ENO4: variants seen among roughly 807,000 people sequenced by gnomAD.
ENO4 encodes the protein 2-phospho-D-glycerate hydro-lyase.
Under a neutral mutation model 63.2 loss-of-function variants are expected in ENO4, and 53 were observed. The observed-to-expected ratio is 0.84, with a 90% CI of 0.67 to 1.05. ENO4 has a LOEUF of 1.05. ENO4 is among the 50% of genes least tolerant of loss of function. ENO4 has a pLI of 0.00. For synonymous variants in ENO4, 266 were observed against 283.8 expected, an observed-to-expected ratio of 0.94 and a Z score of 0.63; for missense variants, 719 against 772.0, an observed-to-expected ratio of 0.93 and a Z score of 0.81.
intron 10 of ENO4, among the ~76,000 whole-genome samples, chr10:116,891,206 T>C (rs762604022): frequency 3.3e-5 from 5 of 152,244 alleles, no homozygotes; most frequent in Non-Finnish European, 5.9e-5. Context: ...GTGAGAGTTA[T>C]TTTATAAAAT....
chr10:116,868,477 T>C (rs1846602539), intron 7 of ENO4, 173 bp from the exon 8 acceptor site: 2 of 710,932 alleles, frequency 2.8e-6, no homozygotes, highest in Admixed American at 2.0e-5. Flanking sequence ...GCATATAAAG[T>C]AGGGAGTGGC....
chr10:116,883,238 C>T (rs1248526027), downstream of ENO4: 1 of 152,124 alleles, frequency 6.6e-6, no homozygotes, highest in African/African-American at 2.4e-5. Flanking sequence ...GTGCTAGGCA[C>T]TCTTTCTACT....
chr10:116,897,999 T>C (rs1041120504), intron 10 of ENO4, among the ~76,000 whole-genome samples: 2 of 152,188 alleles, frequency 1.3e-5, no homozygotes, highest in Admixed American at 6.5e-5. Flanking sequence ...CCAGGTATTA[T>C]AGCTGTCTCA....
intron 8 of ENO4, among the ~76,000 whole-genome samples, chr10:116,869,555 G>A (rs1440226533): frequency 6.6e-6 from 1 of 152,208 alleles, no homozygotes; most frequent in Non-Finnish European, 1.5e-5. Context: ...GAAGAGAAAT[G>A]TGTGAACACA....
At chr10:116,878,740 ATCT>A (rs1846907174) in intron 11 of ENO4, among the ~76,000 whole-genome samples, 1 of 63,546 alleles carries the variant, frequency 1.6e-5, no homozygotes, top group African/African-American at 4.6e-5. Context: ...CAAATCATAT[ATCT>A]TTTTTTTTTT....
chr10:116,860,182 CTA>C (rs1298641145), intron 4 of ENO4, among the ~76,000 whole-genome samples: 4 of 152,172 alleles, frequency 2.6e-5, no homozygotes, highest in African/African-American at 9.7e-5. Context: ...AAGAGGAACA[CTA>C]GAGATATATG....
chr10:116,898,789 G>A (rs1029703725), intron 10 of ENO4, among the ~76,000 whole-genome samples: 23 of 151,970 alleles, frequency 1.5e-4, no homozygotes, highest in South Asian at 2.1e-4. Flanking sequence ...CTTTGCATAT[G>A]TTGGTGACAG....
intron 7 of ENO4, among the ~76,000 whole-genome samples, chr10:116,864,018 C>T (rs1434036360): frequency 2.0e-5 from 3 of 152,150 alleles, no homozygotes; most frequent in Non-Finnish European, 1.5e-5. Flanking sequence ...ATGATCAGTA[C>T]CCAAGTCATG....
At chr10:116,900,030 A>T (rs1009850944) in intron 10 of ENO4, among the ~76,000 whole-genome samples, 4 of 152,236 alleles carry the variant, frequency 2.6e-5, no homozygotes, top group African/African-American at 9.6e-5. Flanking sequence ...CAGTCTGGGT[A>T]AATAATTACC....
intron 3 of ENO4, among the ~76,000 whole-genome samples, chr10:116,856,988 CA>C (rs66621882): frequency 0.41 from 48,844 of 120,002 alleles, 8,634 homozygotes; most frequent in African/African-American, 0.55. Context: ...GACTCTGTAT[CA>C]AAAAAAAAAA....
chr10:116,868,987 T>C (rs1001610580), intron 8 of ENO4, among the ~76,000 whole-genome samples: 3 of 152,090 alleles, frequency 2.0e-5, no homozygotes, highest in African/African-American at 7.2e-5. Flanking sequence ...CTGGACCCTA[T>C]AGGGGAAGTG....
Position 116,860,811 on chromosome 10 carries a change from A to G in ENO4, c.652A>G (p.Thr218Ala), listed in dbSNP as rs961488468. 2.9e-5 allele frequency: 44 copies of G among 1,526,806 alleles called. No individual in the cohort carries two copies. Among genetic ancestry groups the G allele is most frequent in the Admixed American group, 6.1e-5 (3 of 49,366 alleles). 94.6% of individuals were successfully genotyped at this position (1,526,806 alleles called of 1,614,324 possible). A position where few individuals can be genotyped will look rare whatever the true frequency, so the allele number is the denominator to read the frequency against. ...CCCTCCAGGGAGGAAGGATACTATT[A>G]CAGAGAAACCTATTGCGCCTGCAGA... ...GQKPGRKDTI[T>A]EKPIAPAEPV... The change falls in exon 5 of 14, where the codon ACA becomes GCA. Residue 218 changes from threonine to alanine, a missense_variant. Thr to Ala is a moderately conservative substitution (Grantham distance 58). Around this residue, in one of 3 missense-constraint regions of ENO4, gnomAD observed 544 missense variants for 583.6 expected, o/e 0.93. Coordinates refer to ENST00000341276, the MANE Select transcript of ENO4 (RefSeq NM_001242699.2).
intron 1 of ENO4, among the ~76,000 whole-genome samples, chr10:116,851,621 T>A (rs772185944): frequency 6.6e-6 from 1 of 152,210 alleles, no homozygotes; most frequent in Non-Finnish European, 1.5e-5. Flanking sequence ...GCCAGAGCAG[T>A]GTCCTAACAT....
At position 116,857,642 on chromosome 10, in the gene ENO4, CTT is replaced by C. The variant is rs67355556; in HGVS notation, c.485+973_485+974del. 4.1e-5 allele frequency among the ~76,000 whole-genome samples: 6 copies of C among 144,980 alleles called. No homozygotes were observed. In the South Asian group the frequency reaches 1.1e-3, roughly 27 times the overall value. ...AAGATAATGACCTTTGTAACAGAAA[CTT>C]TTTTTTTTTTTTGAGATGGAGTCTT... On this transcript the variant is annotated intron_variant, in intron 3 of 13. Coordinates refer to ENST00000341276, the MANE Select transcript of ENO4 (RefSeq NM_001242699.2).
intron 4 of ENO4, among the ~76,000 whole-genome samples, chr10:116,860,279 G>A (rs1209532338): frequency 6.6e-6 from 1 of 152,166 alleles, no homozygotes; most frequent in East Asian, 1.9e-4. Flanking sequence ...GTCAATGATT[G>A]GATCTGAAAG....
intron 10 of ENO4, among the ~76,000 whole-genome samples, chr10:116,899,486 A>C (rs1847642604): frequency 6.9e-6 from 1 of 145,282 alleles, no homozygotes; most frequent in African/African-American, 2.7e-5. Flanking sequence ...GGGGGAAGGG[A>C]AGTTAGAGTG....
At chr10:116,911,947 T>C, downstream of ENO4, 1 of 803,596 alleles carries the variant, frequency 1.2e-6, no homozygotes, top group South Asian at 1.5e-5. Flanking sequence ...ATTGGTAATA[T>C]GTATGACTAT....
At position 116,876,279 on chromosome 10, in the gene ENO4, C is replaced by T. The variant is rs1217297045; in HGVS notation, c.1537+19C>T. 4 of 1,507,572 alleles carry T rather than the reference C, an allele frequency of 2.7e-6. No homozygotes were observed. Among genetic ancestry groups the T allele is most frequent in the Middle Eastern group, 1.7e-4 (1 of 5,786 alleles). 93.4% of individuals were successfully genotyped at this position (1,507,572 alleles called of 1,614,324 possible). On this transcript the variant is annotated intron_variant, in intron 11 of 13. Transcript: ENST00000341276. ...ATTGACAGTGAGTAAAAGCATACAT[C>T]TGAAAGACTCGTAATGACTTGGTTA...
At chr10:116,852,863 C>G (rs1298722317) in intron 1 of ENO4, among the ~76,000 whole-genome samples, 1 of 152,140 alleles carries the variant, frequency 6.6e-6, no homozygotes, top group Non-Finnish European at 1.5e-5. Context: ...CCTGTCAAGC[C>G]TCCAGATGAT....
Sources: gnomAD v4.1 joint callset for allele counts (sites outside exome capture counted in the v4.1 genomes callset) on GRCh38, gnomAD v4.1.1 for gene constraint, gnomAD v4.1.1 regional missense constraint, MANE v1.5 for transcripts, NCBI Gene and HGNC (gene_info 2026-07-23, HGNC 2026-07-21) for gene names.